Variants in DIP2C observed in about 807,000 individuals in gnomAD.
DIP2C encodes DIP2 acetate--CoA ligase C (putative).
In DIP2C, 33 loss-of-function variants were observed where a neutral mutation model predicts 192.4. That is an observed-to-expected ratio of 0.17 (90% CI 0.13 to 0.23). The LOEUF (loss-of-function observed/expected upper bound fraction) is 0.23. Ranked by LOEUF, DIP2C falls within the 10% of genes least tolerant of loss-of-function variation. The probability of loss-of-function intolerance (pLI) is 1.00; values close to 1 mark genes in which losing one functional copy is unlikely to be tolerated. For synonymous variants in DIP2C, 979 were observed against 864.1 expected (o/e 1.13, Z -2.33); for missense variants, 1,537 against 2,110.1 (o/e 0.73, Z 5.32).
intron 1 of DIP2C, among the ~76,000 whole-genome samples, chr10:582,273 T>C (rs1039155517): frequency 6.6e-6 from 1 of 152,220 alleles, no homozygotes; most frequent in Non-Finnish European, 1.5e-5. Context: ...GTGACCCTGC[T>C]GGGCAGAAAG....
intron 1 of DIP2C, among the ~76,000 whole-genome samples, chr10:532,465 AT>A (rs1407330580): frequency 6.6e-6 from 1 of 152,216 alleles, no homozygotes; most frequent in Non-Finnish European, 1.5e-5. Context: ...CCAAAACAGC[AT>A]GTTTTTCCAC....
rs965150003 is a variant in DIP2C at position 416,025 on chromosome 10, C to G, written c.740-137G>C. ...CCTAGATGCGATCCTGGGAAGGGCC[C>G]GAGGTGATCATGCTGTACGGTAGCC... On this transcript the variant is annotated intron_variant, in intron 6 of 36. Coordinates refer to ENST00000280886, the MANE Select transcript of DIP2C (RefSeq NM_014974.3). 2.2e-6 allele frequency: 3 copies of G among 1,340,566 alleles called. No individual in the cohort carries two copies. In the Admixed American group the frequency reaches 6.2e-5, roughly 28 times the overall value. The allele number at this position is 1,340,566 out of a possible 1,614,324, so 83.0% of individuals were successfully genotyped here. A position where few individuals can be genotyped will look rare whatever the true frequency, so the allele number is the denominator to read the frequency against.
intron 1 of DIP2C, among the ~76,000 whole-genome samples, chr10:629,175 G>A (rs1352454963): frequency 6.6e-6 from 1 of 152,198 alleles, no homozygotes; most frequent in African/African-American, 2.4e-5. Flanking sequence ...ACTGGCGGTG[G>A]AGACACACGG....
intron 2 of DIP2C, among the ~76,000 whole-genome samples, chr10:485,825 C>T (rs551659433): frequency 2.0e-5 from 3 of 152,310 alleles, no homozygotes; most frequent in East Asian, 1.9e-4. Context: ...TTTTCAAGGT[C>T]GCTCTTGGGC....
chr10:393,797 G>GAAAAAAAAAAAA (rs1161399125), intron 10 of DIP2C, among the ~76,000 whole-genome samples: 1 of 78,796 alleles, frequency 1.3e-5, no homozygotes, highest in African/African-American at 4.4e-5. Flanking sequence ...AAAAAAAAAA[G>GAAAAAAAAAAAA]AAAAAAAAAG....
intron 1 of DIP2C, among the ~76,000 whole-genome samples, chr10:601,360 T>C (rs1205805280): frequency 2.2e-5 from 1 of 46,062 alleles, no homozygotes; most frequent in Admixed American, 2.2e-4. Context: ...CCATTTTAGA[T>C]GTCCAAATGC....
intron 1 of DIP2C, among the ~76,000 whole-genome samples, chr10:593,022 A>AAT (rs886951649): frequency 2.0e-5 from 3 of 152,162 alleles, no homozygotes; most frequent in Non-Finnish European, 2.9e-5. Context: ...TGGTTTTAAA[A>AAT]ATATATATAT....
At chr10:673,286 G>T (rs978072309) in intron 1 of DIP2C, among the ~76,000 whole-genome samples, 1 of 152,188 alleles carries the variant, frequency 6.6e-6, no homozygotes, top group African/African-American at 2.4e-5. Context: ...CAATGCCTGC[G>T]ATGAATTCCT....
chr10:620,321 A>AT (rs1853774616), intron 1 of DIP2C, among the ~76,000 whole-genome samples: 1 of 152,172 alleles, frequency 6.6e-6, no homozygotes, highest in Non-Finnish European at 1.5e-5. Context: ...GCGCCTTATC[A>AT]TTAAACGTTT....
At chr10:564,762 G>A (rs536324246) in intron 1 of DIP2C, among the ~76,000 whole-genome samples, 4 of 152,150 alleles carry the variant, frequency 2.6e-5, no homozygotes, top group Non-Finnish European at 4.4e-5. Context: ...CAGCCTACTC[G>A]GCCGAACACA....
At chr10:505,905 T>C (rs557407450) in intron 1 of DIP2C, among the ~76,000 whole-genome samples, 20 of 152,322 alleles carry the variant, frequency 1.3e-4, no homozygotes, top group Admixed American at 1.0e-3. Context: ...CAGCATCATC[T>C]CCTGCTGTAA....
intron 4 of DIP2C, among the ~76,000 whole-genome samples, chr10:424,987 C>T (rs1966482693): frequency 1.4e-5 from 2 of 142,882 alleles, no homozygotes; most frequent in South Asian, 2.2e-4. Flanking sequence ...TAATACGACA[C>T]GGATGATACA....
rs774264972 is a variant in DIP2C at position 440,994 on chromosome 10, C to T, written c.271G>A (p.Val91Ile). Reference sequence around the variant, plus strand: ...GCCGCCTGGACAGCTTCCGTGTGGACGTCTGAAACGGAGAGAGCTCAGTCA... The same window carrying T: ...GCCGCCTGGACAGCTTCCGTGTGGATGTCTGAAACGGAGAGAGCTCAGTCA... ...GSRDERYRSD[V>I]HTEAVQAALA... Residue 91 changes from valine to isoleucine, a missense_variant and splice_region_variant, in exon 4 of 37, where the codon GTC (valine) becomes ATC (isoleucine). Physicochemically the swap from Val to Ile is conservative, Grantham distance 29 (BLOSUM62 3). Around this residue, in one of 4 missense-constraint regions of DIP2C, gnomAD observed 473 missense variants for 539.6 expected, o/e 0.88. Transcript: ENST00000280886. 17 of 1,611,964 alleles carry T rather than the reference C, an allele frequency of 1.1e-5. No individual in the cohort carries two copies. The highest frequency in any genetic ancestry group is 3.3e-5 in the Admixed American group (2 of 59,954).
At chr10:316,583 G>A (rs1956782917) in intron 31 of DIP2C, among the ~76,000 whole-genome samples, 1 of 152,216 alleles carries the variant, frequency 6.6e-6, no homozygotes, top group East Asian at 1.9e-4. Context: ...GTTGAAGTGT[G>A]AGTGGAGTTC....
chr10:511,637 C>G (rs1564805992), intron 1 of DIP2C, among the ~76,000 whole-genome samples: 2 of 9,280 alleles, frequency 2.2e-4, no homozygotes, highest in African/African-American at 2.4e-4. Context: ...CTGACCCAGC[C>G]TCCCCCCACA....
intron 1 of DIP2C, among the ~76,000 whole-genome samples, chr10:488,579 G>C (rs1844187385): frequency 6.6e-6 from 1 of 152,130 alleles, no homozygotes; most frequent in Non-Finnish European, 1.5e-5. Flanking sequence ...TGGCTTCCTG[G>C]GCTTTCCTCG....
At chr10:582,849 GAA>G (rs774265773) in intron 1 of DIP2C, among the ~76,000 whole-genome samples, 1 of 152,132 alleles carries the variant, frequency 6.6e-6, no homozygotes, top group African/African-American at 2.4e-5. Context: ...TTCTAATTGA[GAA>G]AATTATATAC....
chr10:337,582 TGTG>T (rs1178905820), intron 29 of DIP2C, among the ~76,000 whole-genome samples: 1 of 109,646 alleles, frequency 9.1e-6, no homozygotes, highest in Non-Finnish European at 1.9e-5. Context: ...CCTAGGCTGA[TGTG>T]TGTGTGTGTG....
chr10:600,884 T>G (rs1001659748), intron 1 of DIP2C, among the ~76,000 whole-genome samples: 20 of 148,590 alleles, frequency 1.3e-4, no homozygotes, highest in Admixed American at 9.2e-4. Flanking sequence ...TGTAACAAAG[T>G]TGGATAATTA....
Sources: gnomAD v4.1 joint callset for allele counts (sites outside exome capture counted in the v4.1 genomes callset) on GRCh38, gnomAD v4.1.1 for gene constraint, gnomAD v4.1.1 regional missense constraint, MANE v1.5 for transcripts, NCBI Gene and HGNC (gene_info 2026-07-23, HGNC 2026-07-21) for gene names.